Variants in RBFOX1 observed in about 807,000 individuals in gnomAD.
RBFOX1 encodes the protein RNA binding fox-1 homolog 1.
RBFOX1 carries 8 observed loss-of-function variants against 57.7 expected under a neutral mutation model. That is an observed-to-expected ratio of 0.14 (90% CI 0.08 to 0.25). The LOEUF is 0.25. Ranked by LOEUF, RBFOX1 falls within the 10% of genes least tolerant of loss-of-function variation. The probability of loss-of-function intolerance (pLI) is 1.00; values close to 1 mark genes in which losing one functional copy is unlikely to be tolerated. For missense variants in RBFOX1, 611 were observed against 548.5 expected, an observed-to-expected ratio of 1.11 and a Z score of -1.14; for synonymous variants, 326 against 222.4, an observed-to-expected ratio of 1.47 and a Z score of -4.15.
At chr16:6,236,488 GCAGCAGCGC>G (rs1015467629) in intron 1 of RBFOX1, among the ~76,000 whole-genome samples, 1 of 151,338 alleles carries the variant, frequency 6.6e-6, no homozygotes, top group Non-Finnish European at 1.5e-5. Flanking sequence ...AGGCTGGAGT[GCAGCAGCGC>G]CATCTCGGCT....
rs1555468931 is a variant in RBFOX1 at position 5,255,354 on chromosome 16, C to CCCTCCATCCATCCATCCATCCA, written c.219+15249_219+15250insCCTCCATCCATCCATCCATCCA. On this transcript the variant is annotated intron_variant, in intron 1 of 2. Coordinates refer to the RBFOX1 transcript ENST00000585867. ...CATCCATCCATCCATCCATCCATCC[C>CCCTCCATCCATCCATCCATCCA]TCCATCCATCCATCCATCCATCCAT... is the stretch of plus-strand genomic sequence containing the variant. Among the ~76,000 whole-genome samples, 154 of 86,308 alleles carry CCCTCCATCCATCCATCCATCCA rather than the reference C, an allele frequency of 1.8e-3. 1 individual carries two copies. The highest frequency in any genetic ancestry group is 3.5e-3 in the African/African-American group (97 of 28,044). The allele number at this position is 86,308 out of a possible 152,430, so 56.6% of individuals were successfully genotyped here.
At chr16:5,296,056 A>G (rs1596438038) in intron 1 of RBFOX1, among the ~76,000 whole-genome samples, 1 of 127,822 alleles carries the variant, frequency 7.8e-6, no homozygotes, top group Non-Finnish European at 1.8e-5. Context: ...TGTGAAAGGC[A>G]TCTCCCTCCA....
chr16:5,346,556 C>T (rs1159722891), intron 1 of RBFOX1, among the ~76,000 whole-genome samples: 1 of 152,210 alleles, frequency 6.6e-6, no homozygotes, highest in East Asian at 1.9e-4. Context: ...CACCCTACAT[C>T]TGGGGCTCCC....
intron 2 of RBFOX1, among the ~76,000 whole-genome samples, chr16:6,587,770 A>G (rs915874513): frequency 2.0e-5 from 3 of 152,226 alleles, no homozygotes; most frequent in Non-Finnish European, 2.9e-5. Context: ...TAAAACACAC[A>G]GTGAAAACCC....
chr16:6,351,036 C>A (rs1031783484), intron 2 of RBFOX1, among the ~76,000 whole-genome samples: 2 of 152,072 alleles, frequency 1.3e-5, no homozygotes, highest in African/African-American at 2.4e-5. Flanking sequence ...GTCATCTTAT[C>A]CTTTCAGTTT....
chr16:5,750,525 C>G (rs1011183956), intron 3 of RBFOX1, among the ~76,000 whole-genome samples: 3 of 152,348 alleles, frequency 2.0e-5, no homozygotes, highest in Non-Finnish European at 4.4e-5. Flanking sequence ...ACAGTTGGAG[C>G]TTCCCATCTG....
intron 1 of RBFOX1, among the ~76,000 whole-genome samples, chr16:5,407,058 C>T (rs1243349338): frequency 6.6e-6 from 1 of 152,170 alleles, no homozygotes; most frequent in African/African-American, 2.4e-5. Flanking sequence ...GACTCAGTTC[C>T]ACCTGGGTGG....
chr16:6,459,319 G>T lies in RBFOX1; in HGVS notation c.-64+142262G>T, dbSNP rs369252912. Among the ~76,000 whole-genome samples the T allele has an allele frequency of 3.3e-5, 5 of 152,140 alleles. No homozygotes were observed. The East Asian group carries it at 9.7e-4, about 29-fold the overall frequency. ...CCACTGCACTCCAGCCTGGGCGACAGAGGGCGAAATCAGCAAGTTTTCTTT... is the reference window on the plus strand; with the variant it reads ...CCACTGCACTCCAGCCTGGGCGACATAGGGCGAAATCAGCAAGTTTTCTTT... On this transcript the variant is annotated intron_variant, in intron 2 of 15. Transcript: ENST00000550418.
Position 5,848,948 on chromosome 16 carries a change from CAAAAAACA to C in RBFOX1, c.319-18337_319-18330del, listed in dbSNP as rs893428695. ...TGGGTGACAGGGAGAGACTCCATCT[CAAAAAACA>C]AAAAAACAAAAAAACAACAACAAAA... On this transcript the variant is annotated intron_variant, in intron 3 of 19. Transcript: ENST00000641259. Among the ~76,000 whole-genome samples, 13 of 148,616 alleles carry C rather than the reference CAAAAAACA, an allele frequency of 8.7e-5. No homozygotes were observed. The South Asian group carries it at 2.4e-3, about 27-fold the overall frequency.
intron 4 of RBFOX1, among the ~76,000 whole-genome samples, chr16:7,471,105 A>G (rs571806854): frequency 1.3e-5 from 2 of 152,288 alleles, no homozygotes; most frequent in African/African-American, 4.8e-5. Context: ...CTCTATAAAG[A>G]TAACCACAGT....
intron 11 of RBFOX1, 138 bp from the exon 12 acceptor site, chr16:7,653,677 C>A (rs941610836): frequency 1.6e-6 from 2 of 1,276,360 alleles, no homozygotes; most frequent in Non-Finnish European, 2.1e-6. Flanking sequence ...TGCTTTTTAA[C>A]CTCTTGATTC....
chr16:7,552,368 A>G (rs2086824683), intron 5 of RBFOX1, among the ~76,000 whole-genome samples: 1 of 152,168 alleles, frequency 6.6e-6, no homozygotes. Flanking sequence ...TTTTACATCT[A>G]GAGGCAAAGT....
In RBFOX1 at chr16:6,662,935, T is replaced by C. The variant is rs1043584663; in HGVS notation, c.-16+8285T>C. Among the ~76,000 whole-genome samples the C allele has an allele frequency of 2.6e-5, 4 of 152,192 alleles. No individual in the cohort carries two copies. The East Asian group carries it at 5.8e-4, about 22-fold the overall frequency. Reference sequence around the variant, plus strand: ...CAGAAACAATTTAAAGAAAAGCACATGGATGTGTAAAAATTGTGAGTATGG... The same window carrying C: ...CAGAAACAATTTAAAGAAAAGCACACGGATGTGTAAAAATTGTGAGTATGG... On this transcript the variant is annotated intron_variant, in intron 3 of 15. Transcript: ENST00000550418.
At chr16:7,585,960 C>T (rs1023029567) in intron 6 of RBFOX1, among the ~76,000 whole-genome samples, 4 of 152,006 alleles carry the variant, frequency 2.6e-5, no homozygotes, top group African/African-American at 7.2e-5. Context: ...CACAGAAGCA[C>T]GCGTAATGCT....
rs1245994400 is a variant in RBFOX1 at position 6,019,349 on chromosome 16, C to T, written c.-770C>T. ...CCGCGCTGCCGCCGCCTCCTCCAGC[C>T]AGAGTCGGTGGGACTGGCTGCGCTG... is the stretch of plus-strand genomic sequence containing the variant. On this transcript the variant is annotated 5_prime_UTR_variant, in exon 1 of 16. Coordinates refer to ENST00000550418, the MANE Select transcript of RBFOX1 (RefSeq NM_018723.4). The surrounding 1 kb of genome is among the most constrained non-coding windows in gnomAD (Gnocchi z 4.2). The T allele has an allele frequency of 4.1e-6, 4 of 985,388 alleles. No homozygotes were observed. Among genetic ancestry groups the T allele is most frequent in the Non-Finnish European group, 4.8e-6 (4 of 830,164 alleles). The allele number at this position is 985,388 out of a possible 1,614,324, so 61.0% of individuals were successfully genotyped here. A position where few individuals can be genotyped will look rare whatever the true frequency, so the allele number is the denominator to read the frequency against.
At chr16:6,811,495 T>C (rs897771825) in intron 3 of RBFOX1, among the ~76,000 whole-genome samples, 1 of 152,196 alleles carries the variant, frequency 6.6e-6, no homozygotes, top group Admixed American at 6.5e-5. Context: ...GTCAGGGATG[T>C]TTAAGTGATT....
intron 1 of RBFOX1, among the ~76,000 whole-genome samples, chr16:5,385,514 C>T (rs118047974): frequency 3.5e-4 from 53 of 152,248 alleles, no homozygotes; most frequent in Non-Finnish European, 5.6e-4. Flanking sequence ...CAGAATAATT[C>T]GGGGAGCATT....
In RBFOX1 at chr16:6,075,244, G is replaced by T. The variant is rs115136821; in HGVS notation, c.-127+55252G>T. 4.3e-3 allele frequency among the ~76,000 whole-genome samples: 651 copies of T among 152,296 alleles called. 6 individuals are homozygous for T. The highest frequency in any genetic ancestry group is 0.015 in the African/African-American group (607 of 41,572). ...AGTACTTTGCAATGCCATTACCGAT[G>T]CATAAACTTTGATGAGCTTTGAGAA... On this transcript the variant is annotated intron_variant, in intron 1 of 15. Coordinates refer to ENST00000550418, the MANE Select transcript of RBFOX1 (RefSeq NM_018723.4).
chr16:7,278,913 G>A (rs553816118), intron 4 of RBFOX1, among the ~76,000 whole-genome samples: 1 of 152,266 alleles, frequency 6.6e-6, no homozygotes, highest in African/African-American at 2.4e-5. Flanking sequence ...GCTAGAGAGT[G>A]AAGATAGTTA....
Sources: gnomAD v4.1 joint callset for allele counts (sites outside exome capture counted in the v4.1 genomes callset) on GRCh38, gnomAD v4.1.1 for gene constraint, Gnocchi (gnomAD v3.1) non-coding constraint, MANE v1.5 for transcripts, NCBI Gene and HGNC (gene_info 2026-07-23, HGNC 2026-07-21) for gene names.